ABCA13: variants seen among roughly 807,000 people sequenced by gnomAD.
The protein encoded by ABCA13 is ATP-binding cassette sub-family A member 13.
A neutral mutation model predicts 478.7 loss-of-function variants in ABCA13; 476 were observed. The ratio of observed to expected loss-of-function variants is 0.99; its 90% CI spans 0.92 to 1.07. The LOEUF is 1.07. ABCA13 is among the 50% of genes least tolerant of loss of function. The pLI is 0.00. For missense variants in ABCA13, 6,060 were observed against 5,910.6 expected (o/e 1.03, Z -0.83); for synonymous variants, 2,252 against 2,158.9 (o/e 1.04, Z -1.20).
chr7:48,539,496 G>A (rs1833820020), intron 55 of ABCA13, among the ~76,000 whole-genome samples: 1 of 152,130 alleles, frequency 6.6e-6, no homozygotes, highest in Admixed American at 6.5e-5. Flanking sequence ...TACAGGAAAA[G>A]AGACAGAATT....
In ABCA13 at chr7:48,428,588, A is replaced by G. The variant is rs147039030; in HGVS notation, c.12565+717A>G. ...AGAATTAAATATGTTATAACCTTTT[A>G]TGATGTTTCCCAAATTGCATCCTTA... On this transcript the variant is annotated intron_variant, in intron 42 of 61. Transcript: ENST00000435803. Among the ~76,000 whole-genome samples, 134 of 152,326 alleles carry G rather than the reference A, an allele frequency of 8.8e-4. No individual in the cohort carries two copies. The East Asian group carries it at 0.023, about 26-fold the overall frequency.
intron 24 of ABCA13, 115 bp downstream of exon 24, chr7:48,310,256 T>C: frequency 8.8e-7 from 1 of 1,132,918 alleles, no homozygotes. Context: ...CTGGCCACTC[T>C]GCAGTGGTCT....
At chr7:48,605,883 C>T (rs963641156) in intron 58 of ABCA13, among the ~76,000 whole-genome samples, 4 of 152,102 alleles carry the variant, frequency 2.6e-5, no homozygotes, top group Admixed American at 2.6e-4. Context: ...TCACATAGTC[C>T]CATATTTCTT....
intron 55 of ABCA13, among the ~76,000 whole-genome samples, chr7:48,564,282 TG>T (rs1786794137): frequency 6.6e-6 from 1 of 151,024 alleles, no homozygotes; most frequent in East Asian, 1.9e-4. Flanking sequence ...TTTTTTTTTT[TG>T]AGGTAAAATA....
intron 13 of ABCA13, among the ~76,000 whole-genome samples, chr7:48,247,552 G>A (rs953553170): frequency 1.3e-5 from 2 of 152,006 alleles, no homozygotes; most frequent in African/African-American, 4.8e-5. Context: ...TCTGACTCTG[G>A]GTTGACCAGT....
chr7:48,528,449 T>G lies in ABCA13; in HGVS notation c.14354+104T>G. On this transcript the variant is annotated intron_variant, in intron 55 of 61. Transcript: ENST00000435803. ...CGTGGAATAAAATTTGAAAACATCA[T>G]TTTCCTCCAAATTTACCTTCCAATT... 3.8e-6 allele frequency: 3 copies of G among 788,440 alleles called. No individual in the cohort carries two copies. The East Asian group carries it at 8.8e-5, about 23-fold the overall frequency. The allele number at this position is 788,440 out of a possible 1,614,324, so 48.8% of individuals were successfully genotyped here.
At chr7:48,202,141 G>C (rs1798839438) in intron 3 of ABCA13, among the ~76,000 whole-genome samples, 1 of 152,200 alleles carries the variant, frequency 6.6e-6, no homozygotes, top group Non-Finnish European at 1.5e-5. Flanking sequence ...AGGAACGAAA[G>C]AACAAAGCTT....
At chr7:48,411,683 G>C (rs916487264) in intron 40 of ABCA13, among the ~76,000 whole-genome samples, 1 of 152,258 alleles carries the variant, frequency 6.6e-6, no homozygotes, top group African/African-American at 2.4e-5. Flanking sequence ...AGTAGTGAGG[G>C]TATAGAGCAA....
At chr7:48,348,662 C>T (rs962988594) in intron 29 of ABCA13, among the ~76,000 whole-genome samples, 2 of 152,322 alleles carry the variant, frequency 1.3e-5, no homozygotes, top group South Asian at 2.1e-4. Flanking sequence ...ATCTTATTTA[C>T]TAAATGGCTT....
At chr7:48,444,208 C>T (rs570349051) in intron 42 of ABCA13, among the ~76,000 whole-genome samples, 7 of 152,286 alleles carry the variant, frequency 4.6e-5, no homozygotes, top group South Asian at 2.1e-4. Context: ...GACAAAGCAG[C>T]ATAAGAGAAA....
intron 42 of ABCA13, among the ~76,000 whole-genome samples, chr7:48,439,943 A>C (rs1313615265): frequency 6.6e-6 from 1 of 152,166 alleles, no homozygotes; most frequent in Non-Finnish European, 1.5e-5. Context: ...ATTGGGGGCC[A>C]CTTTAGACTT....
chr7:48,539,061 G>A lies in ABCA13; in HGVS notation c.14354+10716G>A, dbSNP rs150088959. On this transcript the variant is annotated intron_variant, in intron 55 of 61. Coordinates refer to ENST00000435803, the MANE Select transcript of ABCA13 (RefSeq NM_152701.5). ...AATCCTTTGGCATGACTAAACAGGA[G>A]ATGATGTTCTCTTTCATCAAGAGGC... Among the ~76,000 whole-genome samples, 897 of 152,284 alleles carry A rather than the reference G, an allele frequency of 5.9e-3. 28 individuals carry two copies. The highest frequency in any genetic ancestry group is 0.051 in the Admixed American group (773 of 15,294).
At chr7:48,475,941 G>A (rs1042215262) in intron 45 of ABCA13, among the ~76,000 whole-genome samples, 3 of 152,202 alleles carry the variant, frequency 2.0e-5, no homozygotes, top group African/African-American at 7.2e-5. Flanking sequence ...TAGGGTCTGA[G>A]CTCCAGTGGA....
At position 48,175,882 on chromosome 7, in the gene ABCA13, T is replaced by TAAC. The variant is rs376433232; in HGVS notation, c.69+4357_69+4359dup. On this transcript the variant is annotated intron_variant, in intron 1 of 61. Coordinates refer to ENST00000435803, the MANE Select transcript of ABCA13 (RefSeq NM_152701.5). ...GCTACTTCTTATTTTAAAGAATTAA[T>TAAC]AACAACAACAACAACAACAACAACA... Among the ~76,000 whole-genome samples the TAAC allele has an allele frequency of 5.0e-3, 759 of 151,642 alleles. 7 individuals are homozygous for TAAC. Among genetic ancestry groups the TAAC allele is most frequent in the African/African-American group, 0.013 (524 of 41,298 alleles).
At chr7:48,180,921 GAAACAAAC>G (rs374297013) in intron 1 of ABCA13, among the ~76,000 whole-genome samples, 10,799 of 151,884 alleles carry the variant, frequency 0.071, 460 homozygotes, top group East Asian at 0.15. Context: ...AAAAGGAAAT[GAAACAAAC>G]AAACAAACAA....
chr7:48,432,307 A>C (rs2129145350), intron 42 of ABCA13, among the ~76,000 whole-genome samples: 1 of 152,182 alleles, frequency 6.6e-6, no homozygotes, highest in East Asian at 1.9e-4. Context: ...TAATATTAAA[A>C]AGACAAAAGA....
At position 48,516,882 on chromosome 7, in the gene ABCA13, G is replaced by A. The variant is rs1832160234; in HGVS notation, c.13797+1G>A. 6.2e-7 allele frequency: 1 copy of A among 1,613,372 alleles called. No individual in the cohort carries two copies. The highest frequency in any genetic ancestry group is 8.5e-7 in the Non-Finnish European group (1 of 1,179,508). ...GCTAGCCATCATCTCCAAAGCTAAG[G>A]TCAGTAGCTTTGTAGCATCACCTCT... On this transcript the variant is annotated splice_donor_variant, in intron 52 of 61. Transcript: ENST00000435803. LOFTEE classifies it high-confidence loss of function.
intron 41 of ABCA13, among the ~76,000 whole-genome samples, chr7:48,422,458 T>TA (rs1820897578): frequency 6.6e-6 from 1 of 152,298 alleles, no homozygotes; most frequent in Admixed American, 6.5e-5. Flanking sequence ...TTTTATAACT[T>TA]ATGTCTTTTA....
In ABCA13 at chr7:48,248,262, T is replaced by A. The variant is rs749300382; in HGVS notation, c.1683T>A (p.Ile561=). Residue 561 remains isoleucine, a synonymous_variant, in exon 14 of 62, where the codon ATT becomes ATA. Coordinates refer to ENST00000435803, the MANE Select transcript of ABCA13 (RefSeq NM_152701.5). ...EDADRILQEV[I]TWHKNMSVLI... The stretch of plus-strand genomic sequence containing the variant: ...AGGATCGTATTTTGCAAGAGGTCAT[T>A]ACTTGGCACAAAAATATGTCAGTTT... 2.5e-6 allele frequency: 4 copies of A among 1,613,550 alleles called. No homozygotes were observed. The highest frequency in any genetic ancestry group is 1.3e-5 in the African/African-American group (1 of 74,924).
Sources: gnomAD v4.1 joint callset for allele counts (sites outside exome capture counted in the v4.1 genomes callset) on GRCh38, gnomAD v4.1.1 for gene constraint, MANE v1.5 for transcripts, NCBI Gene and HGNC (gene_info 2026-07-23, HGNC 2026-07-21) for gene names.